The following ITIH2 variants were observed in gnomAD, a reference collection of about 807,000 sequenced individuals.
ITIH2 encodes inter-alpha-trypsin inhibitor heavy chain H2.
Under a neutral mutation model 104.4 loss-of-function variants are expected in ITIH2, and 103 were observed. The ratio of observed to expected loss-of-function variants is 0.99; its 90% CI spans 0.84 to 1.16. The LOEUF is 1.16. ITIH2 is among the 50% of genes most tolerant of loss of function. The probability of loss-of-function intolerance (pLI) is 0.00; values close to 1 mark genes in which losing one functional copy is unlikely to be tolerated. For missense variants in ITIH2, 1,108 were observed against 1,162.4 expected (o/e 0.95, Z 0.68); for synonymous variants, 436 against 435.4 (o/e 1.00, Z -0.02).
In ITIH2 at chr10:7,731,932, T is replaced by C. The variant is rs1283785772; in HGVS notation, c.1583T>C (p.Val528Ala). The change falls in exon 13 of 21, where the codon GTG becomes GCG. Residue 528 changes from valine (V) to alanine (A), a missense_variant. Physicochemically the swap from Val to Ala is moderately conservative, Grantham distance 64. Transcript: ENST00000358415. The part of the protein sequence containing the change: ...FHNYFGGSEI[V>A]VAGKFDPAKL... Reference sequence around the variant, plus strand: ...AACTACTTTGGAGGCTCAGAGATTGTGGTGGCAGGAAAATTTGACCCTGCT... The same window carrying C: ...AACTACTTTGGAGGCTCAGAGATTGCGGTGGCAGGAAAATTTGACCCTGCT... 6.2e-7 allele frequency: 1 copy of C among 1,614,094 alleles called. No individual in the cohort carries two copies. The highest frequency in any genetic ancestry group is 1.1e-5 in the South Asian group (1 of 91,070).
rs1475370918 is a variant in ITIH2, at chr10:7,727,774, G to C, written c.1225G>C (p.Asp409His). 6.2e-7 allele frequency: 1 copy of C among 1,614,182 alleles called. No individual in the cohort carries two copies. The highest frequency in any genetic ancestry group is 8.5e-7 in the Non-Finnish European group (1 of 1,180,012). ...LNEANNLGLL[D>H]PNSVSLIILV... ...TGAAGCCAATAACTTGGGACTGTTAGACCCCAACTCCGTCTCGCTGATCAT... is the reference window on the plus strand; with the variant it reads ...TGAAGCCAATAACTTGGGACTGTTACACCCCAACTCCGTCTCGCTGATCAT... Residue 409 changes from aspartate to histidine, a missense_variant, in exon 11 of 21, where the codon GAC (aspartate) becomes CAC (histidine). Transcript: ENST00000358415.
In ITIH2 at chr10:7,744,282, C is replaced by T; in HGVS notation, c.2408+2C>T. 1 of 1,612,018 alleles carries T rather than the reference C, an allele frequency of 6.2e-7. No individual in the cohort carries two copies. The highest frequency in any genetic ancestry group is 8.5e-7 in the Non-Finnish European group (1 of 1,178,260). On this transcript the variant is annotated splice_donor_variant, in intron 18 of 20. Coordinates refer to ENST00000358415, the MANE Select transcript of ITIH2 (RefSeq NM_002216.3). LOFTEE classifies it low-confidence loss of function (GC_TO_GT_DONOR). ...CACGGCTCAAGTCACGAATCAGAGG[C>T]AAGTATGATTCCATCTGAACTTGGG...
chr10:7,706,364 T>C (rs893698735), intron 2 of ITIH2, among the ~76,000 whole-genome samples: 5 of 152,154 alleles, frequency 3.3e-5, no homozygotes, highest in Non-Finnish European at 7.4e-5. Context: ...AAACATTACA[T>C]GTTCACCCAC....
At chr10:7,705,072 A>T (rs760846084) in intron 1 of ITIH2, 36 bp from the exon 2 acceptor site, 102 of 474,328 alleles carry the variant, frequency 2.2e-4, no homozygotes, top group Admixed American at 7.1e-4. Flanking sequence ...CAGTATAATT[A>T]AAAAAAAAAA....
Position 7,721,712 on chromosome 10 carries a change from G to C in ITIH2, c.802G>C (p.Ala268Pro). 6.2e-7 allele frequency: 1 copy of C among 1,613,988 alleles called. No individual in the cohort carries two copies. Among genetic ancestry groups the C allele is most frequent in the Non-Finnish European group, 8.5e-7 (1 of 1,179,872 alleles). ...QRICPNCRET[A>P]VDGELVVLYD... is the part of the protein sequence containing the mutation. Reference sequence around the variant, plus strand: ...AATATGCCCTAACTGCCGGGAGACTGCGGTAGATGGGGAACTGGTGGTGCT... The same window carrying C: ...AATATGCCCTAACTGCCGGGAGACTCCGGTAGATGGGGAACTGGTGGTGCT... Residue 268 changes from alanine (A) to proline (P), a missense_variant, in exon 8 of 21, where the codon GCG becomes CCG. By Grantham distance (27) the Ala-to-Pro change is conservative. Coordinates refer to ENST00000358415, the MANE Select transcript of ITIH2 (RefSeq NM_002216.3).
At chr10:7,725,918 A>G (rs1834947827) in intron 9 of ITIH2, among the ~76,000 whole-genome samples, 1 of 152,200 alleles carries the variant, frequency 6.6e-6, no homozygotes, top group East Asian at 1.9e-4. Context: ...GGTGATAGAG[A>G]CTAATAAAAA....
intron 8 of ITIH2, among the ~76,000 whole-genome samples, chr10:7,722,339 T>C (rs2130948359): frequency 6.6e-6 from 1 of 152,208 alleles, no homozygotes; most frequent in South Asian, 2.1e-4. Flanking sequence ...ACCTGGATGC[T>C]GTAGTTTCCT....
chr10:7,704,095 C>T lies in ITIH2; in HGVS notation c.84+577C>T, dbSNP rs147453416. ...AATAATTCCCATGGAGTACAGGTCT[C>T]CACTTTTGTCCCTTAGCCATCTCCA... On this transcript the variant is annotated intron_variant, in intron 1 of 20. Transcript: ENST00000358415. 5.9e-3 allele frequency among the ~76,000 whole-genome samples: 906 copies of T among 152,306 alleles called. 11 individuals are homozygous for T. The highest frequency in any genetic ancestry group is 0.011 in the South Asian group (52 of 4,824).
intron 10 of ITIH2, 95 bp downstream of exon 10, chr10:7,727,213 C>G (rs1423506141): frequency 1.1e-5 from 11 of 1,031,946 alleles, no homozygotes; most frequent in Non-Finnish European, 1.6e-5. Flanking sequence ...GTGGTCTTTC[C>G]CCAGCATTCG....
At chr10:7,743,650 A>G (rs1218741592) in intron 17 of ITIH2, among the ~76,000 whole-genome samples, 1 of 151,994 alleles carries the variant, frequency 6.6e-6, no homozygotes, top group Non-Finnish European at 1.5e-5. Flanking sequence ...GCGTGGTGGT[A>G]CACACCTGTA....
rs1017773873 is a variant in ITIH2 at position 7,729,356 on chromosome 10, T to C, written c.1280-596T>C. On this transcript the variant is annotated intron_variant, in intron 11 of 20. Transcript: ENST00000358415. ...AAACCATAATTTGGTTTAATCATGG[T>C]TTCTCACTCCTGTTTCTCAACCATT... Among the ~76,000 whole-genome samples the C allele has an allele frequency of 3.3e-4, 50 of 152,138 alleles. 3 individuals are homozygous for C. Among genetic ancestry groups the C allele is most frequent in the East Asian group, 2.5e-3 (13 of 5,178 alleles).
At chr10:7,732,570 C>A in intron 14 of ITIH2, 93 bp downstream of exon 14, 2 of 1,351,182 alleles carry the variant, frequency 1.5e-6, no homozygotes, top group Non-Finnish European at 1.0e-6. Context: ...AGTTTGGAAG[C>A]AAGAAAGACA....
At chr10:7,718,129 A>G (rs1834868174) in intron 6 of ITIH2, among the ~76,000 whole-genome samples, 1 of 152,084 alleles carries the variant, frequency 6.6e-6, no homozygotes, top group Non-Finnish European at 1.5e-5. Flanking sequence ...GCTCCAGGGG[A>G]GAGCCCGTTC....
intron 5 of ITIH2, among the ~76,000 whole-genome samples, chr10:7,714,766 C>T (rs912257984): frequency 6.6e-6 from 1 of 152,052 alleles, no homozygotes; most frequent in Non-Finnish European, 1.5e-5. Flanking sequence ...ATGGGAGTTC[C>T]GAGTGCCGAG....
At position 7,723,517 on chromosome 10, in the gene ITIH2, C is replaced by T. The variant is rs746923671; in HGVS notation, c.934C>T (p.Leu312Phe). Reference protein sequence around the residue: ...DNLDPIPKNILFVIDVSGSMW... With the variant: ...DNLDPIPKNIFFVIDVSGSMW... ...CCTGGACCCAATTCCCAAAAACATC[C>T]TCTTTGTCATCGATGTGAGTGGCTC... is the stretch of plus-strand genomic sequence containing the variant. The change falls in exon 9 of 21, where the codon CTC becomes TTC. Residue 312 changes from leucine (L) to phenylalanine (F), a missense_variant. Physicochemically the swap from Leu to Phe is conservative, Grantham distance 22. Transcript: ENST00000358415. 5 of 1,613,900 alleles carry T rather than the reference C, an allele frequency of 3.1e-6. No individual in the cohort carries two copies. In the African/African-American group the frequency reaches 5.3e-5, roughly 17 times the overall value.
At chr10:7,704,993 C>A (rs1233416304) in intron 1 of ITIH2, 115 bp from the exon 2 acceptor site, 2 of 645,990 alleles carry the variant, frequency 3.1e-6, no homozygotes, top group Non-Finnish European at 5.2e-6. Context: ...ATGGGTGTAG[C>A]AAACCAACAT....
intron 19 of ITIH2, 44 bp from the exon 20 acceptor site, chr10:7,746,549 A>T: frequency 7.6e-7 from 1 of 1,310,866 alleles, no homozygotes; most frequent in Non-Finnish European, 1.1e-6. Context: ...CTTTTTATTT[A>T]ACTATGATTA....
intron 3 of ITIH2, 119 bp from the exon 4 acceptor site, chr10:7,708,903 G>GA (rs1834771001): frequency 2.3e-6 from 2 of 852,576 alleles, no homozygotes; most frequent in Admixed American, 3.9e-5. Context: ...CAAGGCCCTG[G>GA]AATTGTTCTG....
At chr10:7,735,452 C>G (rs1395537377) in intron 15 of ITIH2, among the ~76,000 whole-genome samples, 1 of 151,988 alleles carries the variant, frequency 6.6e-6, no homozygotes, top group African/African-American at 2.4e-5. Context: ...GTAATCTCAC[C>G]TGTTTGGAAA....
Sources: gnomAD v4.1 joint callset for allele counts (sites outside exome capture counted in the v4.1 genomes callset) on GRCh38, gnomAD v4.1.1 for gene constraint, MANE v1.5 for transcripts, NCBI Gene and HGNC (gene_info 2026-07-23, HGNC 2026-07-21) for gene names.